Variants in FARP1 observed in about 807,000 individuals in gnomAD.
FARP1 encodes FERM, ARH/RhoGEF and pleckstrin domain protein 1.
A neutral mutation model predicts 128.8 loss-of-function variants in FARP1; 52 were observed. The observed-to-expected ratio is 0.40, with a 90% CI of 0.32 to 0.51. The LOEUF (loss-of-function observed/expected upper bound fraction) is 0.51. FARP1 is among the 20% of genes least tolerant of loss of function. The probability of loss-of-function intolerance (pLI) is 0.45; values close to 1 mark genes in which losing one functional copy is unlikely to be tolerated. For missense variants in FARP1, 1,333 were observed against 1,367.9 expected (o/e 0.97, Z 0.40); for synonymous variants, 580 against 551.8 (o/e 1.05, Z -0.72).
intron 2 of FARP1, among the ~76,000 whole-genome samples, chr13:98,276,955 A>T (rs1376327637): frequency 6.6e-6 from 1 of 152,200 alleles, no homozygotes; most frequent in Non-Finnish European, 1.5e-5. Flanking sequence ...GTTCTTAAAG[A>T]TTGCTTGATA....
intron 1 of FARP1, among the ~76,000 whole-genome samples, chr13:98,196,349 C>G (rs987572633): frequency 2.6e-5 from 4 of 152,110 alleles, no homozygotes; most frequent in African/African-American, 9.7e-5. Flanking sequence ...CTGCCACTTA[C>G]GAGCTGGGTG....
chr13:98,398,890 G>T (rs1890655778), intron 13 of FARP1: 1 of 152,214 alleles, frequency 6.6e-6, no homozygotes, highest in African/African-American at 2.4e-5. Flanking sequence ...CACAGCGTAT[G>T]ACAGGAATCG....
At chr13:98,377,701 G>A (rs1010561086) in intron 5 of FARP1, 120 bp from the exon 6 acceptor site, 66 of 690,066 alleles carry the variant, frequency 9.6e-5, no homozygotes, top group Non-Finnish European at 1.4e-4. Flanking sequence ...ATCCGTTCCA[G>A]CCCATGCAGA....
intron 2 of FARP1, among the ~76,000 whole-genome samples, chr13:98,235,953 A>G (rs1882389035): frequency 6.6e-6 from 1 of 151,734 alleles, no homozygotes; most frequent in Non-Finnish European, 1.5e-5. Context: ...CCTCCAGAGT[A>G]GCTGGGATTA....
intron 3 of FARP1, among the ~76,000 whole-genome samples, chr13:98,362,738 C>T (rs1451274218): frequency 6.6e-6 from 1 of 152,170 alleles, no homozygotes; most frequent in Non-Finnish European, 1.5e-5. Flanking sequence ...CCTGTATGAT[C>T]CAAGGACACC....
chr13:98,193,022 A>G lies in FARP1; in HGVS notation c.-23-20198A>G, dbSNP rs142297592. 5.8e-3 allele frequency among the ~76,000 whole-genome samples: 877 copies of G among 151,884 alleles called. 4 individuals are homozygous for G. Among genetic ancestry groups the G allele is most frequent in the African/African-American group, 0.02 (809 of 41,472 alleles). On this transcript the variant is annotated intron_variant, in intron 1 of 26. Coordinates refer to ENST00000319562, the MANE Select transcript of FARP1 (RefSeq NM_005766.4). ...CCATGCTGCCAGCCCTTGTCTTCCA[A>G]TAATTATGGTTGCCAATTACCAGAC... is the stretch of plus-strand genomic sequence containing the variant.
chr13:98,431,370 C>T (rs3742138), intron 18 of FARP1, 90 bp downstream of exon 18: 300,325 of 828,558 alleles, frequency 0.36, 56,714 homozygotes, highest in Middle Eastern at 0.4. Context: ...AGGGGCTCCC[C>T]GGGGAGAGAG....
intron 1 of FARP1, among the ~76,000 whole-genome samples, chr13:98,186,558 C>G (rs1050718440): frequency 5.9e-5 from 9 of 152,220 alleles, no homozygotes; most frequent in Non-Finnish European, 8.8e-5. Flanking sequence ...TTTCACTTAG[C>G]ATAATCTCTT....
At chr13:98,350,757 C>T (rs1279048891) in intron 3 of FARP1, among the ~76,000 whole-genome samples, 4 of 152,136 alleles carry the variant, frequency 2.6e-5, no homozygotes, top group Non-Finnish European at 5.9e-5. Flanking sequence ...AGCTACTTCC[C>T]CTCCCCGGGC....
chr13:98,315,645 G>A (rs74757841), intron 2 of FARP1, among the ~76,000 whole-genome samples: 6,041 of 152,164 alleles, frequency 0.04, 208 homozygotes, highest in African/African-American at 0.093. Flanking sequence ...GGGTGGAGAC[G>A]GCCGTGCTTA....
chr13:98,185,189 A>C (rs1449017976), intron 1 of FARP1, among the ~76,000 whole-genome samples: 6 of 152,082 alleles, frequency 3.9e-5, no homozygotes, highest in Admixed American at 3.9e-4. Flanking sequence ...ATGCTTAATA[A>C]ATATTGATAT....
At chr13:98,379,684 A>G (rs560990152) in intron 6 of FARP1, among the ~76,000 whole-genome samples, 2 of 152,282 alleles carry the variant, frequency 1.3e-5, no homozygotes, top group African/African-American at 4.8e-5. Context: ...TAACCTACAT[A>G]TATCCTCCCA....
intron 2 of FARP1, among the ~76,000 whole-genome samples, chr13:98,287,233 TTTTTTTTTTTTTTTTG>T (rs1566835403): frequency 1.8e-5 from 1 of 56,980 alleles, no homozygotes; most frequent in African/African-American, 4.9e-5. Context: ...TTTTTTTTTT[TTTTTTTTTTTTTTTTG>T]AGATGGAGTC....
chr13:98,372,937 G>A (rs1233730148), intron 5 of FARP1, among the ~76,000 whole-genome samples: 1 of 152,198 alleles, frequency 6.6e-6, no homozygotes, highest in Admixed American at 6.5e-5. Context: ...TGCTTCAGTG[G>A]ACAGTACTAA....
chr13:98,373,529 G>GACGGACACACAC (rs1264346715), intron 5 of FARP1, among the ~76,000 whole-genome samples: 29 of 79,240 alleles, frequency 3.7e-4, no homozygotes, highest in African/African-American at 1.7e-3. Context: ...GAGACAGACA[G>GACGGACACACAC]ACAGACACAC....
At chr13:98,256,309 T>G (rs1250628162) in intron 2 of FARP1, among the ~76,000 whole-genome samples, 1 of 152,200 alleles carries the variant, frequency 6.6e-6, no homozygotes, top group Non-Finnish European at 1.5e-5. Flanking sequence ...AGTTATCAAT[T>G]CTGAATTCAT....
chr13:98,218,763 C>A (rs1339981392), intron 2 of FARP1, among the ~76,000 whole-genome samples: 6 of 152,184 alleles, frequency 3.9e-5, no homozygotes, highest in Non-Finnish European at 8.8e-5. Context: ...CTCCATGCTG[C>A]ACTCCAGGCT....
At position 98,409,339 on chromosome 13, in the gene FARP1, C is replaced by T. The variant is rs1891100096; in HGVS notation, c.1416C>T (p.Gly472=). The part of the protein sequence containing the change: ...SKPQPPQPST[G]SLTGSPHLSE... The stretch of plus-strand genomic sequence containing the variant: ...TTAAAACTTCTCATCCCCAAACAGG[C>T]TCCCTGACTGGCAGTCCTCACCTTT... The change falls in exon 14 of 27, where the codon GGC becomes GGT. Residue 472 remains glycine, a splice_region_variant and synonymous_variant. Transcript: ENST00000319562. 3 of 1,599,362 alleles carry T rather than the reference C, an allele frequency of 1.9e-6. No individual in the cohort carries two copies. Among genetic ancestry groups the T allele is most frequent in the Non-Finnish European group, 2.6e-6 (3 of 1,170,032 alleles).
intron 2 of FARP1, among the ~76,000 whole-genome samples, chr13:98,216,547 G>A (rs1881071423): frequency 6.6e-6 from 1 of 152,176 alleles, no homozygotes; most frequent in Non-Finnish European, 1.5e-5. Context: ...TTCCCTGGGG[G>A]TTGAATTTCC....
Sources: allele counts gnomAD v4.1 joint callset (sites outside exome capture counted in the v4.1 genomes callset), GRCh38; gene constraint gnomAD v4.1.1; transcripts MANE v1.5; gene names NCBI Gene and HGNC (gene_info 2026-07-23, HGNC 2026-07-21).